ZNF510: variants seen among roughly 807,000 people sequenced by gnomAD.
The protein encoded by ZNF510 is zinc finger protein 510.
A neutral mutation model predicts 18.1 loss-of-function variants in ZNF510; 15 were observed. The ratio of observed to expected loss-of-function variants is 0.83; its 90% CI spans 0.55 to 1.28. ZNF510 has a LOEUF of 1.28. Among genes scored for constraint, ZNF510 ranks in the 50% most tolerant of loss-of-function variants. The pLI, the probability that ZNF510 is intolerant of heterozygous loss-of-function variation, is 0.00. For missense variants in ZNF510, 724 were observed against 791.8 expected, an observed-to-expected ratio of 0.91 and a Z score of 1.03; for synonymous variants, 261 against 266.4, an observed-to-expected ratio of 0.98 and a Z score of 0.20.
rs7027868 is a variant in ZNF510 at position 96,763,742 on chromosome 9, G to A, written c.130-110C>T. On this transcript the variant is annotated intron_variant, in intron 3 of 5. Transcript: ENST00000223428. ...TTAACTCTAAAAAGCTTAAACGAAT[G>A]TAAAGGATGCCTATTTTGAATCTAA... The A allele has an allele frequency of 0.014, 14,837 of 1,058,442 alleles. 1,389 individuals are homozygous for A. In the African/African-American group the frequency reaches 0.21, roughly 15 times the overall value. 65.6% of individuals were successfully genotyped at this position (1,058,442 alleles called of 1,614,324 possible).
Position 96,760,245 on chromosome 9 carries a change from G to A in ZNF510, c.585C>T (p.Asn195=). Residue 195 remains asparagine (N), a synonymous_variant, in exon 6 of 6, where the codon AAC becomes AAT. Transcript: ENST00000223428. ...SISEFIINNR[N]YSTKKIGCGN... is the part of the protein sequence containing the mutation. ...CGCAACCTATTTTCTTTGTTGAATA[G>A]TTTCTATTATTAATGATAAATTCAG... The A allele has an allele frequency of 6.2e-7, 1 of 1,612,646 alleles. No individual in the cohort carries two copies. The highest frequency in any genetic ancestry group is 8.5e-7 in the Non-Finnish European group (1 of 1,179,386).
At chr9:96,765,112 T>TA (rs138211121) in intron 3 of ZNF510, among the ~76,000 whole-genome samples, 7,295 of 150,872 alleles carry the variant, frequency 0.048, 498 homozygotes, top group African/African-American at 0.16. Flanking sequence ...GATTCTTGTA[T>TA]AAAAAACAAC....
At chr9:96,767,517 T>C (rs1296185689) in intron 3 of ZNF510, among the ~76,000 whole-genome samples, 1 of 151,880 alleles carries the variant, frequency 6.6e-6, no homozygotes, top group Admixed American at 6.5e-5. Flanking sequence ...CCTAATTGTA[T>C]ACTTTAAGGA....
At chr9:96,769,238 C>T (rs1418488731) in intron 3 of ZNF510, among the ~76,000 whole-genome samples, 2 of 151,978 alleles carry the variant, frequency 1.3e-5, no homozygotes, top group African/African-American at 4.8e-5. Flanking sequence ...AGTTCATGAC[C>T]AGCCTGGTCA....
intron 3 of ZNF510, among the ~76,000 whole-genome samples, chr9:96,770,015 C>CA (rs1321293015): frequency 6.6e-6 from 1 of 151,990 alleles, no homozygotes; most frequent in Non-Finnish European, 1.5e-5. Flanking sequence ...TGGCAGTTAC[C>CA]AAAAAAGATA....
chr9:96,765,331 C>T (rs1849445515), intron 3 of ZNF510, among the ~76,000 whole-genome samples: 1 of 152,090 alleles, frequency 6.6e-6, no homozygotes, highest in Non-Finnish European at 1.5e-5. Context: ...ATTTTGCAGT[C>T]ATTTGTGGAC....
intron 5 of ZNF510, among the ~76,000 whole-genome samples, chr9:96,761,492 C>A (rs1849346361): frequency 6.6e-6 from 1 of 152,154 alleles, no homozygotes; most frequent in Admixed American, 6.6e-5. Flanking sequence ...AGTGAACACT[C>A]ATGGAATCAG....
chr9:96,773,593 T>TC (rs1849627876), intron 3 of ZNF510, among the ~76,000 whole-genome samples: 1 of 151,742 alleles, frequency 6.6e-6, no homozygotes, highest in Non-Finnish European at 1.5e-5. Flanking sequence ...TTTTTTTTTT[T>TC]GAGATGGAGT....
At chr9:96,766,824 C>T (rs987924323) in intron 3 of ZNF510, among the ~76,000 whole-genome samples, 21 of 135,616 alleles carry the variant, frequency 1.5e-4, no homozygotes, top group Admixed American at 1.5e-3. Context: ...GAGAGAGAGA[C>T]GAGACAGGCA....
intron 3 of ZNF510, among the ~76,000 whole-genome samples, chr9:96,771,764 C>T (rs1849589708): frequency 6.6e-6 from 1 of 151,852 alleles, no homozygotes; most frequent in African/African-American, 2.4e-5. Flanking sequence ...TGTAAAATGC[C>T]TAGGTATAAG....
chr9:96,761,880 A>G (rs1849354821), intron 5 of ZNF510, among the ~76,000 whole-genome samples: 1 of 152,222 alleles, frequency 6.6e-6, no homozygotes, highest in Admixed American at 6.5e-5. Context: ...CATAAACAAT[A>G]CTTCCATTAA....
Position 96,776,123 on chromosome 9 carries a change from C to T in ZNF510, c.-54G>A. 1.3e-6 allele frequency: 2 copies of T among 1,557,804 alleles called. No individual in the cohort carries two copies. The highest frequency in any genetic ancestry group is 1.7e-6 in the Non-Finnish European group (2 of 1,149,724). ...GGATGAAGAAGTGCCGCTGGTTGGG[C>T]AAATCAAGACCTGCTCCTTTCTGGG... is the stretch of plus-strand genomic sequence containing the variant. On this transcript the variant is annotated 5_prime_UTR_variant, in exon 2 of 6. Transcript: ENST00000223428.
chr9:96,773,436 G>A (rs373638201), intron 3 of ZNF510, among the ~76,000 whole-genome samples: 6 of 152,284 alleles, frequency 3.9e-5, no homozygotes, highest in African/African-American at 1.4e-4. Flanking sequence ...TTCTATATTT[G>A]AACAATTTCT....
chr9:96,757,048 T>C lies in ZNF510; in HGVS notation c.*1730A>G, dbSNP rs1849212449. The stretch of plus-strand genomic sequence containing the variant: ...CTCACCCATAAAGTTATTAAATTTG[T>C]TTGCCTTCCCATTGCCAAACCCCAT... On this transcript the variant is annotated 3_prime_UTR_variant, in exon 6 of 6. Transcript: ENST00000223428. 1 of 152,022 alleles carries C rather than the reference T, an allele frequency of 6.6e-6. No homozygotes were observed. The highest frequency in any genetic ancestry group is 6.6e-5 in the Admixed American group (1 of 15,244). The allele number at this position is 152,022 out of a possible 1,614,324, so 9.4% of individuals were successfully genotyped here.
In ZNF510 at chr9:96,758,690, T is replaced by TA. The variant is rs996201402; in HGVS notation, c.*87dup. The TA allele has an allele frequency of 2.2e-6, 3 of 1,358,976 alleles. No homozygotes were observed. The highest frequency in any genetic ancestry group is 2.9e-5 in the African/African-American group (2 of 68,664). The allele number at this position is 1,358,976 out of a possible 1,614,324, so 84.2% of individuals were successfully genotyped here. A position where few individuals can be genotyped will look rare whatever the true frequency, so the allele number is the denominator to read the frequency against. Reference sequence around the variant, plus strand: ...GGGTTTACTTCTGGGACTGTCTTCTTACATTCACTACCCTCAATTGGTTTT... The same window carrying TA: ...GGGTTTACTTCTGGGACTGTCTTCTTAACATTCACTACCCTCAATTGGTTTT... On this transcript the variant is annotated 3_prime_UTR_variant, in exon 6 of 6. Transcript: ENST00000223428.
chr9:96,760,553 T>C, intron 5 of ZNF510, 76 bp from the exon 6 acceptor site: 1 of 1,283,592 alleles, frequency 7.8e-7, no homozygotes, highest in Non-Finnish European at 1.0e-6. Flanking sequence ...ATACAGCCTA[T>C]GTTGCACCTA....
At chr9:96,760,521 C>A in intron 5 of ZNF510, 44 bp from the exon 6 acceptor site, 4 of 1,514,122 alleles carry the variant, frequency 2.6e-6, no homozygotes, top group Non-Finnish European at 3.5e-6. Context: ...CTTACATCTT[C>A]TGTGGGTAGA....
intron 3 of ZNF510, among the ~76,000 whole-genome samples, chr9:96,766,039 C>G (rs1485148081): frequency 6.6e-6 from 1 of 152,100 alleles, no homozygotes; most frequent in Non-Finnish European, 1.5e-5. Context: ...TATGTACTGA[C>G]TGGCTGACAA....
Position 96,758,536 on chromosome 9 carries a change from T to C in ZNF510, c.*242A>G, listed in dbSNP as rs977108115. ...GTATGACTTCATTCAGGCCTATCCA[T>C]AGTACTCTGAAAACAGAAGCCTGTC... On this transcript the variant is annotated 3_prime_UTR_variant, in exon 6 of 6. Transcript: ENST00000223428. 1 of 475,300 alleles carries C rather than the reference T, an allele frequency of 2.1e-6. No individual in the cohort carries two copies. The highest frequency in any genetic ancestry group is 3.7e-6 in the Non-Finnish European group (1 of 271,782). 29.4% of individuals were successfully genotyped at this position (475,300 alleles called of 1,614,324 possible).
Sources: gnomAD v4.1 joint callset for allele counts (sites outside exome capture counted in the v4.1 genomes callset) on GRCh38, gnomAD v4.1.1 for gene constraint, MANE v1.5 for transcripts, NCBI Gene and HGNC (gene_info 2026-07-23, HGNC 2026-07-21) for gene names.